Variants in DYNC2H1 observed in about 807,000 individuals in gnomAD.
DYNC2H1 encodes dynein cytoplasmic 2 heavy chain 1.
DYNC2H1 carries 410 observed loss-of-function variants against 570.0 expected under a neutral mutation model. The ratio of observed to expected loss-of-function variants is 0.72; its 90% confidence interval spans 0.66 to 0.78. DYNC2H1 has a LOEUF of 0.78. DYNC2H1 is among the 30% of genes least tolerant of loss of function. The pLI, the probability that DYNC2H1 is intolerant of heterozygous loss-of-function variation, is 0.00. For synonymous variants in DYNC2H1, 1,688 were observed against 1,677.6 expected, an observed-to-expected ratio of 1.01 and a Z score of -0.15; for missense variants, 4,865 against 5,046.4, an observed-to-expected ratio of 0.96 and a Z score of 1.09.
intron 82 of DYNC2H1, among the ~76,000 whole-genome samples, chr11:103,351,331 G>C (rs568746445): frequency 8.7e-4 from 132 of 152,242 alleles, no homozygotes; most frequent in South Asian, 1.9e-3. Context: ...TCTAGGCTTT[G>C]TAAATTACAT....
At chr11:103,206,437 G>T (rs1198685638) in intron 52 of DYNC2H1, among the ~76,000 whole-genome samples, 2 of 152,002 alleles carry the variant, frequency 1.3e-5, no homozygotes, top group Non-Finnish European at 2.9e-5. Flanking sequence ...AAAATTTGAG[G>T]AATTATCAGA....
chr11:103,425,082 C>A (rs2135725593), intron 84 of DYNC2H1, among the ~76,000 whole-genome samples: 1 of 152,162 alleles, frequency 6.6e-6, no homozygotes, highest in East Asian at 1.9e-4. Context: ...AGTATAGGCA[C>A]ATGCCCTCAC....
chr11:103,470,127 A>T (rs1945326166), intron 88 of DYNC2H1, among the ~76,000 whole-genome samples: 1 of 152,200 alleles, frequency 6.6e-6, no homozygotes, highest in South Asian at 2.1e-4. Flanking sequence ...ACCTGGAGCC[A>T]TACCCACGTA....
chr11:103,449,542 G>A (rs988656714), intron 85 of DYNC2H1, among the ~76,000 whole-genome samples: 4 of 152,126 alleles, frequency 2.6e-5, no homozygotes, highest in African/African-American at 9.7e-5. Context: ...GTCAAGAATT[G>A]TCTTACACTC....
At chr11:103,478,997 C>CATAAT in intron 88 of DYNC2H1, 98 bp from the exon 89 acceptor site, 1 of 1,309,828 alleles carries the variant, frequency 7.6e-7, no homozygotes, top group Non-Finnish European at 1.0e-6. Flanking sequence ...TGAAACATTT[C>CATAAT]ATAATATAAT....
chr11:103,424,489 G>A (rs1269268815), intron 84 of DYNC2H1, among the ~76,000 whole-genome samples: 2 of 152,070 alleles, frequency 1.3e-5, no homozygotes, highest in African/African-American at 4.8e-5. Context: ...GAAAGCATAT[G>A]CCATACAAAT....
intron 84 of DYNC2H1, among the ~76,000 whole-genome samples, chr11:103,432,536 G>A (rs1398770584): frequency 3.3e-5 from 5 of 152,128 alleles, no homozygotes; most frequent in Admixed American, 1.3e-4. Context: ...GATGTTGCCA[G>A]TTGTCTCCAC....
At chr11:103,253,177 T>C in intron 65 of DYNC2H1, 108 bp from the exon 66 acceptor site, 1 of 1,179,144 alleles carries the variant, frequency 8.5e-7, no homozygotes, top group Non-Finnish European at 1.2e-6. Flanking sequence ...CGTCTTAGAC[T>C]CTGTCGAAAA....
chr11:103,418,249 G>A (rs1943358630), intron 84 of DYNC2H1, among the ~76,000 whole-genome samples: 1 of 152,000 alleles, frequency 6.6e-6, no homozygotes, highest in Non-Finnish European at 1.5e-5. Context: ...ATTTGCAGAG[G>A]ATACTATCAT....
intron 87 of DYNC2H1, among the ~76,000 whole-genome samples, chr11:103,463,626 C>G (rs867811924): frequency 2.4e-4 from 37 of 152,098 alleles, no homozygotes; most frequent in African/African-American, 8.9e-4. Flanking sequence ...TGGTGCATGC[C>G]TGTCATCCCA....
chr11:103,167,754 T>G (rs1861391534), intron 31 of DYNC2H1, among the ~76,000 whole-genome samples: 1 of 152,232 alleles, frequency 6.6e-6, no homozygotes, highest in East Asian at 1.9e-4. Context: ...GTTTAAATCC[T>G]CTGGAGAACA....
In DYNC2H1 at chr11:103,243,930, G is replaced by GCTTCAGTTTT. The variant is rs2135226605; in HGVS notation, c.9918+142_9918+151dup. 4.1e-6 allele frequency: 2 copies of GCTTCAGTTTT among 490,202 alleles called. No individual in the cohort carries two copies. The highest frequency in any genetic ancestry group is 6.7e-5 in the East Asian group (2 of 29,964). The allele number at this position is 490,202 out of a possible 1,614,324, so 30.4% of individuals were successfully genotyped here. The stretch of plus-strand genomic sequence containing the variant: ...CCTTGGGCGAGAGATATAACTCTTA[G>GCTTCAGTTTT]CTTCAGTTTTCTAATTTGTAAAAAA... On this transcript the variant is annotated intron_variant, in intron 64 of 88. Transcript: ENST00000375735. This position sits in a 1 kb window ranked among gnomAD's most constrained non-coding sequence, Gnocchi z 4.8.
chr11:103,434,365 C>A (rs761167448), intron 84 of DYNC2H1, among the ~76,000 whole-genome samples: 1 of 151,892 alleles, frequency 6.6e-6, no homozygotes, highest in Non-Finnish European at 1.5e-5. Flanking sequence ...TGGGACAACA[C>A]CCTTAAGATT....
intron 29 of DYNC2H1, 118 bp from the exon 30 acceptor site, chr11:103,162,910 C>T: frequency 3.8e-6 from 3 of 799,696 alleles, no homozygotes; most frequent in Non-Finnish European, 3.6e-6. Context: ...AGTATAATAC[C>T]CCGTCTTGAA....
Position 103,222,153 on chromosome 11 carries a change from G to GA in DYNC2H1, c.9231_9231+1insA (p.Asn3078LysfsTer3). 6.5e-7 allele frequency: 1 copy of GA among 1,531,418 alleles called. No individual in the cohort carries two copies. The highest frequency in any genetic ancestry group is 8.9e-7 in the Non-Finnish European group (1 of 1,129,548). 94.9% of individuals were successfully genotyped at this position (1,531,418 alleles called of 1,614,324 possible). On this transcript the variant is annotated frameshift_variant and splice_region_variant. Coordinates refer to ENST00000375735, the MANE Select transcript of DYNC2H1 (RefSeq NM_001377.3). LOFTEE classifies it high-confidence loss of function. ...AAAATAAAGGCTCTTTTGATCCAAA[G>GA]GTAATTTTTAAGTTATACTATAAAT...
intron 70 of DYNC2H1, among the ~76,000 whole-genome samples, chr11:103,266,549 C>A (rs946925144): frequency 6.6e-6 from 1 of 152,058 alleles, no homozygotes; most frequent in Non-Finnish European, 1.5e-5. Flanking sequence ...GCTCTTTTTG[C>A]GATGGTGGTG....
rs1188474424 is a variant in DYNC2H1 at position 103,256,020 on chromosome 11, C to G, written c.10327-86C>G. ...AAATAACATAAGTTGCCATAAACATCAAATGAATGACAGTTAATATGGGTT... is the reference window on the plus strand; with the variant it reads ...AAATAACATAAGTTGCCATAAACATGAAATGAATGACAGTTAATATGGGTT... On this transcript the variant is annotated intron_variant, in intron 67 of 88. Coordinates refer to ENST00000375735, the MANE Select transcript of DYNC2H1 (RefSeq NM_001377.3). The surrounding 1 kb of genome is among the most constrained non-coding windows in gnomAD (Gnocchi z 4.0). 4.2e-6 allele frequency: 5 copies of G among 1,187,726 alleles called. No individual in the cohort carries two copies. The highest frequency in any genetic ancestry group is 4.6e-6 in the Non-Finnish European group (4 of 870,986). The allele number at this position is 1,187,726 out of a possible 1,614,324, so 73.6% of individuals were successfully genotyped here. A position where few individuals can be genotyped will look rare whatever the true frequency, so the allele number is the denominator to read the frequency against.
At chr11:103,259,571 A>G (rs1470196374) in intron 69 of DYNC2H1, among the ~76,000 whole-genome samples, 2 of 152,150 alleles carry the variant, frequency 1.3e-5, no homozygotes, top group Non-Finnish European at 2.9e-5. Context: ...AATAATTAAA[A>G]TGGCCTTAAC....
chr11:103,341,331 C>T (rs1247003050), intron 82 of DYNC2H1, among the ~76,000 whole-genome samples: 3 of 152,134 alleles, frequency 2.0e-5, no homozygotes, highest in East Asian at 1.9e-4. Flanking sequence ...TTTTCTTCCC[C>T]CCCTTTTAAA....
Sources: gnomAD v4.1 joint callset for allele counts (sites outside exome capture counted in the v4.1 genomes callset) on GRCh38, gnomAD v4.1.1 for gene constraint, Gnocchi (gnomAD v3.1) non-coding constraint, MANE v1.5 for transcripts, NCBI Gene and HGNC (gene_info 2026-07-23, HGNC 2026-07-21) for gene names.